MDGA2: variants seen among roughly 807,000 people sequenced by gnomAD.
MDGA2 encodes MAM domain containing glycosylphosphatidylinositol anchor 2, also known as MAM domain-containing glycosylphosphatidylinositol anchor protein 2.
MDGA2 carries 40 observed loss-of-function variants against 117.8 expected under a neutral mutation model. The ratio of observed to expected loss-of-function variants is 0.34; its 90% CI spans 0.26 to 0.44. The LOEUF (loss-of-function observed/expected upper bound fraction) is 0.44, where lower values mean the gene tolerates loss of function less well. Among genes scored for constraint, MDGA2 ranks in the 20% least tolerant of loss-of-function variants. The probability of loss-of-function intolerance (pLI) is 1.00; values close to 1 mark genes in which losing one functional copy is unlikely to be tolerated. For synonymous variants in MDGA2, 452 were observed against 439.0 expected, an observed-to-expected ratio of 1.03 and a Z score of -0.37; for missense variants, 1,123 against 1,250.6, an observed-to-expected ratio of 0.90 and a Z score of 1.54.
chr14:47,270,335 G>A (rs1018185037), intron 2 of MDGA2, among the ~76,000 whole-genome samples: 7 of 152,006 alleles, frequency 4.6e-5, no homozygotes, highest in African/African-American at 1.7e-4. Context: ...AGGATCAAGC[G>A]GTTCCATAAA....
chr14:47,499,325 C>A (rs933389668), intron 1 of MDGA2, among the ~76,000 whole-genome samples: 1 of 151,964 alleles, frequency 6.6e-6, no homozygotes, highest in Non-Finnish European at 1.5e-5. Flanking sequence ...GAGCTTTATC[C>A]TTTATTGTAG....
At chr14:46,936,764 G>A (rs531611059) in intron 9 of MDGA2, among the ~76,000 whole-genome samples, 30 of 151,580 alleles carry the variant, frequency 2.0e-4, no homozygotes, top group African/African-American at 7.0e-4. Flanking sequence ...AATAAATTAG[G>A]TATAGAAGGC....
chr14:47,368,775 G>A (rs1025085450), intron 1 of MDGA2, among the ~76,000 whole-genome samples: 7 of 142,482 alleles, frequency 4.9e-5, no homozygotes, highest in South Asian at 2.2e-4. Flanking sequence ...ACTAGAAAGC[G>A]CATAATTAGA....
chr14:46,996,887 A>G (rs1887314867), intron 8 of MDGA2: 1 of 333,064 alleles, frequency 3.0e-6, no homozygotes, highest in South Asian at 3.2e-5. Flanking sequence ...AATGCATATG[A>G]TACTGAGCAA....
chr14:47,104,130 C>T (rs1170174968), intron 5 of MDGA2, among the ~76,000 whole-genome samples: 2 of 152,194 alleles, frequency 1.3e-5, no homozygotes, highest in East Asian at 3.9e-4. Flanking sequence ...GCAAAGAAAA[C>T]TGCCAAAAGT....
chr14:47,158,214 G>A (rs1281521079), intron 3 of MDGA2, among the ~76,000 whole-genome samples: 1 of 152,140 alleles, frequency 6.6e-6, no homozygotes, highest in Non-Finnish European at 1.5e-5. Flanking sequence ...ATGCTGTAGA[G>A]GTTTGTGGTC....
At chr14:47,355,712 C>T (rs1177572946) in intron 1 of MDGA2, among the ~76,000 whole-genome samples, 1 of 152,102 alleles carries the variant, frequency 6.6e-6, no homozygotes, top group African/African-American at 2.4e-5. Context: ...CGGCTGTCAT[C>T]CCAACCACCT....
chr14:47,001,331 T>C (rs1418974655), intron 8 of MDGA2, among the ~76,000 whole-genome samples: 3 of 151,960 alleles, frequency 2.0e-5, no homozygotes, highest in African/African-American at 7.2e-5. Context: ...TAATAAGAAA[T>C]TGAGTTCTGT....
At chr14:46,985,045 A>G (rs1395693231) in intron 8 of MDGA2, among the ~76,000 whole-genome samples, 2 of 152,028 alleles carry the variant, frequency 1.3e-5, no homozygotes, top group Non-Finnish European at 2.9e-5. Flanking sequence ...GCAGTAAAAG[A>G]AGAATAGAGT....
intron 8 of MDGA2, among the ~76,000 whole-genome samples, chr14:47,018,575 A>G (rs967607868): frequency 6.6e-5 from 10 of 151,950 alleles, no homozygotes; most frequent in African/African-American, 2.2e-4. Flanking sequence ...GGGGAAAATT[A>G]TAATTGCTAA....
intron 9 of MDGA2, among the ~76,000 whole-genome samples, chr14:46,923,068 C>T (rs531804185): frequency 9.2e-5 from 14 of 152,208 alleles, no homozygotes; most frequent in African/African-American, 3.4e-4. Context: ...AATAGTTTTA[C>T]CCTGAAGTTG....
intron 3 of MDGA2, among the ~76,000 whole-genome samples, chr14:47,211,534 T>A (rs747906738): frequency 4.9e-4 from 74 of 152,104 alleles, no homozygotes; most frequent in Non-Finnish European, 9.6e-4. Flanking sequence ...AAGCTCCCCA[T>A]CTTATAAAGG....
At chr14:47,669,072 A>G (rs1898028511) in intron 1 of MDGA2, among the ~76,000 whole-genome samples, 1 of 152,224 alleles carries the variant, frequency 6.6e-6, no homozygotes, top group Non-Finnish European at 1.5e-5. Flanking sequence ...GGCTTATGCT[A>G]TAATCCCATC....
At chr14:46,869,441 A>C (rs1261576755) in intron 14 of MDGA2, among the ~76,000 whole-genome samples, 1 of 151,650 alleles carries the variant, frequency 6.6e-6, no homozygotes, top group East Asian at 1.9e-4. Flanking sequence ...GAATGCTGAA[A>C]GAATCTTTTA....
intron 1 of MDGA2, among the ~76,000 whole-genome samples, chr14:47,609,428 C>CATAT (rs3040345): frequency 0.017 from 289 of 17,512 alleles, 26 homozygotes; most frequent in East Asian, 0.037. Context: ...AGTATTCCAT[C>CATAT]ATATATATAT....
intron 3 of MDGA2, among the ~76,000 whole-genome samples, chr14:47,211,012 T>C (rs1566682523): frequency 6.6e-6 from 1 of 152,146 alleles, no homozygotes; most frequent in Non-Finnish European, 1.5e-5. Context: ...AAAAGAAAGT[T>C]ACAATTTATT....
In MDGA2 at chr14:47,548,490, T is replaced by A. The variant is rs147740295; in HGVS notation, c.280+126027A>T. On this transcript the variant is annotated intron_variant, in intron 1 of 16. Coordinates refer to ENST00000399232, the MANE Select transcript of MDGA2 (RefSeq NM_001113498.3). ...AATCCAGAAAGTCTATATACTTTGT[T>A]ACATGCATCCATAGAAGTCTCTGCT... Among the ~76,000 whole-genome samples the A allele has an allele frequency of 4.6e-3, 706 of 152,310 alleles. 8 individuals carry two copies. Among genetic ancestry groups the A allele is most frequent in the African/African-American group, 0.016 (671 of 41,564 alleles).
intron 1 of MDGA2, among the ~76,000 whole-genome samples, chr14:47,429,085 C>T (rs1401082489): frequency 2.6e-5 from 4 of 151,696 alleles, no homozygotes; most frequent in Non-Finnish European, 4.4e-5. Context: ...AGTAGCCAGG[C>T]GTAGTGGCGG....
chr14:47,453,351 A>T (rs1893280671), intron 1 of MDGA2, among the ~76,000 whole-genome samples: 1 of 152,174 alleles, frequency 6.6e-6, no homozygotes, highest in African/African-American at 2.4e-5. Flanking sequence ...TTCAAAGCAT[A>T]TTAAAGTCTT....
Sources: allele counts gnomAD v4.1 joint callset (sites outside exome capture counted in the v4.1 genomes callset), GRCh38; gene constraint gnomAD v4.1.1; transcripts MANE v1.5; gene names NCBI Gene and HGNC (gene_info 2026-07-23, HGNC 2026-07-21).